Variants in SNRNP200 observed in about 807,000 individuals in gnomAD.
SNRNP200 encodes U5 small nuclear ribonucleoprotein 200 kDa helicase.
In SNRNP200, 66 loss-of-function variants were observed where a neutral mutation model predicts 255.2. That is an observed-to-expected ratio of 0.26 (90% CI 0.21 to 0.32). SNRNP200 has a LOEUF of 0.32. Ranked by LOEUF, SNRNP200 falls within the 10% of genes least tolerant of loss-of-function variation. SNRNP200 has a pLI of 1.00. For synonymous variants in SNRNP200, 939 were observed against 1,027.8 expected, an observed-to-expected ratio of 0.91 and a Z score of 1.65; for missense variants, 1,585 against 2,749.8, an observed-to-expected ratio of 0.58 and a Z score of 9.47.
intron 3 of SNRNP200, among the ~76,000 whole-genome samples, chr2:96,302,669 G>A (rs985552326): frequency 1.3e-5 from 2 of 152,192 alleles, no homozygotes; most frequent in African/African-American, 4.8e-5. Flanking sequence ...CCAGTCACAA[G>A]CACAGGTTGT....
intron 11 of SNRNP200, 64 bp downstream of exon 11, chr2:96,297,299 C>T: frequency 6.2e-7 from 1 of 1,600,770 alleles, no homozygotes. Context: ...ACATTTTGGT[C>T]AATGGTTGAA....
At position 96,304,735 on chromosome 2, in the gene SNRNP200, T is replaced by C. The variant is rs2063976034; in HGVS notation, c.179A>G (p.Lys60Arg). Residue 60 changes from lysine to arginine, a missense_variant, in exon 2 of 45, where the codon AAA becomes AGA. Around this residue, in one of 9 missense-constraint regions of SNRNP200, gnomAD observed 383 missense variants for 645.3 expected, o/e 0.59. Transcript: ENST00000323853. ...TRMGDKAQRT[K>R]PQMQEERRAK... Reference sequence around the variant, plus strand: ...TCTTCTTTCCTCCTGCATCTGCGGTTTGGTCCGTTGAGCCTTGTCTCCCAT... The same window carrying C: ...TCTTCTTTCCTCCTGCATCTGCGGTCTGGTCCGTTGAGCCTTGTCTCCCAT... 6.2e-7 allele frequency: 1 copy of C among 1,614,192 alleles called. No homozygotes were observed. The highest frequency in any genetic ancestry group is 8.5e-7 in the Non-Finnish European group (1 of 1,180,016).
At chr2:96,292,196 T>G (rs750883783) in intron 16 of SNRNP200, among the ~76,000 whole-genome samples, 1 of 152,230 alleles carries the variant, frequency 6.6e-6, no homozygotes, top group African/African-American at 2.4e-5. Flanking sequence ...CAACTCAGAA[T>G]TTATGTTCAA....
At chr2:96,280,571 A>G (rs1050444659) in intron 35 of SNRNP200, among the ~76,000 whole-genome samples, 1 of 150,450 alleles carries the variant, frequency 6.6e-6, no homozygotes, top group Non-Finnish European at 1.5e-5. Flanking sequence ...TTTTTTTGAG[A>G]TGGAGTCTCG....
rs1462728903 is a variant in SNRNP200, at chr2:96,284,603, G to C, written c.4165-18C>G. 2 of 1,567,936 alleles carry C rather than the reference G, an allele frequency of 1.3e-6. No individual in the cohort carries two copies. The highest frequency in any genetic ancestry group is 1.7e-5 in the Admixed American group (1 of 59,946). On this transcript the variant is annotated intron_variant, in intron 30 of 44. Transcript: ENST00000323853. ...ATGTATACCTGGCGGGCAGAGGAGG[G>C]AGGCAGAACAACACTAGGCCATACC...
chr2:96,283,174 A>G lies in SNRNP200; in HGVS notation c.4915+27T>C, dbSNP rs760358679. On this transcript the variant is annotated intron_variant, in intron 34 of 44. Coordinates refer to ENST00000323853, the MANE Select transcript of SNRNP200 (RefSeq NM_014014.5). This position sits in a 1 kb window ranked among gnomAD's most constrained non-coding sequence, Gnocchi z 4.7. The stretch of plus-strand genomic sequence containing the variant: ...ACCACCACTTGGTGATACCCTTGCT[A>G]TGCTCCCCTTCCGTGGCCTGACTTA... 8.1e-6 allele frequency: 13 copies of G among 1,613,218 alleles called. No homozygotes were observed. Among genetic ancestry groups the G allele is most frequent in the Non-Finnish European group, 3.4e-6 (4 of 1,179,978 alleles).
intron 22 of SNRNP200, 41 bp from the exon 23 acceptor site, chr2:96,289,158 C>G: frequency 6.2e-7 from 1 of 1,613,798 alleles, no homozygotes; most frequent in East Asian, 2.2e-5. Flanking sequence ...GCCTTGTGGC[C>G]GAGGAGGGAC....
Position 96,278,019 on chromosome 2 carries a change from CA to C in SNRNP200, c.5611-70del. On this transcript the variant is annotated intron_variant, in intron 39 of 44. Coordinates refer to ENST00000323853, the MANE Select transcript of SNRNP200 (RefSeq NM_014014.5). The surrounding 1 kb of genome is among the most constrained non-coding windows in gnomAD (Gnocchi z 6.9). ...TGCCTGAGACCAGCTCAGGCCAAAG[CA>C]CCACGTGGCCCAGGCTCACACAGCC... The C allele has an allele frequency of 6.2e-7, 1 of 1,605,794 alleles. No individual in the cohort carries two copies. The highest frequency in any genetic ancestry group is 8.5e-7 in the Non-Finnish European group (1 of 1,173,024).
chr2:96,281,759 C>T (rs1398578726), intron 35 of SNRNP200, 55 bp downstream of exon 35: 3 of 1,338,634 alleles, frequency 2.2e-6, no homozygotes, highest in East Asian at 4.6e-5. Flanking sequence ...TCTGCAGATT[C>T]ACATTCATTT....
chr2:96,294,290 T>A (rs572499545), intron 14 of SNRNP200, among the ~76,000 whole-genome samples: 2 of 151,982 alleles, frequency 1.3e-5, no homozygotes, highest in Admixed American at 1.3e-4. Flanking sequence ...TACAAAAAAT[T>A]AGCTGGGCAT....
Position 96,277,632 on chromosome 2 carries a change from G to A in SNRNP200, c.5838C>T (p.Ala1946=). ...ACCACATGGCTTGGGTGACCATCTG[G>A]GCCAGTTCCATAGCTGCCAGAGCAG... The part of the protein sequence containing the change: ...LSPALAAMEL[A]QMVTQAMWSK... The change falls in exon 41 of 45, where the codon GCC becomes GCT. Residue 1946 remains alanine (A), a synonymous_variant. Transcript: ENST00000323853. This position sits in a 1 kb window ranked among gnomAD's most constrained non-coding sequence, Gnocchi z 4.4. The A allele has an allele frequency of 6.2e-7, 1 of 1,614,132 alleles. No individual in the cohort carries two copies. Among genetic ancestry groups the A allele is most frequent in the East Asian group, 2.2e-5 (1 of 44,884 alleles).
intron 16 of SNRNP200, 107 bp from the exon 17 acceptor site, chr2:96,292,007 G>C: frequency 7.8e-7 from 1 of 1,278,792 alleles, no homozygotes; most frequent in South Asian, 1.2e-5. Context: ...CAAGGTCCTG[G>C]AGAGGGGCAA....
chr2:96,288,582 C>G, intron 24 of SNRNP200, 81 bp downstream of exon 24: 1 of 1,311,494 alleles, frequency 7.6e-7, no homozygotes, highest in Non-Finnish European at 1.1e-6. Flanking sequence ...GTCGGGCCTC[C>G]TTTCCCCAGG....
chr2:96,304,988 AT>A lies in SNRNP200; in HGVS notation c.46-121del, dbSNP rs927852368. 3.7e-5 allele frequency: 42 copies of A among 1,121,442 alleles called. No individual in the cohort carries two copies. In the African/African-American group the frequency reaches 6.3e-4, roughly 17 times the overall value. 69.5% of individuals were successfully genotyped at this position (1,121,442 alleles called of 1,614,324 possible). A position where few individuals can be genotyped will look rare whatever the true frequency, so the allele number is the denominator to read the frequency against. Reference sequence around the variant, plus strand: ...TAGTTGCTTATCATCACTAATCGTAATAAAAATATATTTTCCTTAAGAATTG... The same window carrying A: ...TAGTTGCTTATCATCACTAATCGTAAAAAAATATATTTTCCTTAAGAATTG... On this transcript the variant is annotated intron_variant, in intron 1 of 44. Coordinates refer to ENST00000323853, the MANE Select transcript of SNRNP200 (RefSeq NM_014014.5).
At position 96,291,269 on chromosome 2, in the gene SNRNP200, C is replaced by T; in HGVS notation, c.2421+123G>A. 1.3e-6 allele frequency: 1 copy of T among 774,160 alleles called. No individual in the cohort carries two copies. Among genetic ancestry groups the T allele is most frequent in the East Asian group, 2.4e-5 (1 of 41,236 alleles). The allele number at this position is 774,160 out of a possible 1,614,324, so 48.0% of individuals were successfully genotyped here. A position where few individuals can be genotyped will look rare whatever the true frequency, so the allele number is the denominator to read the frequency against. ...TATTTATTGTGTCCACCACAACCCT[C>T]TGACCTGGGCTAGCTGGGCCAGAAG... On this transcript the variant is annotated intron_variant, in intron 18 of 44. Transcript: ENST00000323853. This position sits in a 1 kb window ranked among gnomAD's most constrained non-coding sequence, Gnocchi z 4.2.
At chr2:96,276,719 C>G in intron 43 of SNRNP200, 185 bp downstream of exon 43, 3 of 737,992 alleles carry the variant, frequency 4.1e-6, no homozygotes, top group South Asian at 2.9e-5. Context: ...TGCGCCCGGC[C>G]CTAAACTGTT....
chr2:96,282,778 C>G (rs1258256242), intron 34 of SNRNP200: 3 of 297,010 alleles, frequency 1.0e-5, no homozygotes, highest in Non-Finnish European at 2.0e-5. Flanking sequence ...GCAGATAACA[C>G]CATGTTTCAT....
chr2:96,277,523 G>C lies in SNRNP200; in HGVS notation c.5931+16C>G, dbSNP rs1684688269. 1 of 1,612,194 alleles carries C rather than the reference G, an allele frequency of 6.2e-7. No homozygotes were observed. ...TCAGGCTCACCCACCTGACCCTCTA[G>C]GCTGACCCGGCTCACCTTGTCTGTG... On this transcript the variant is annotated intron_variant, in intron 41 of 44. Coordinates refer to ENST00000323853, the MANE Select transcript of SNRNP200 (RefSeq NM_014014.5). The surrounding 1 kb of genome is among the most constrained non-coding windows in gnomAD (Gnocchi z 4.4).
chr2:96,278,373 A>C lies in SNRNP200; in HGVS notation c.5489-15T>G. On this transcript the variant is annotated splice_polypyrimidine_tract_variant and intron_variant, in intron 38 of 44. Transcript: ENST00000323853. This position sits in a 1 kb window ranked among gnomAD's most constrained non-coding sequence, Gnocchi z 6.9. ...GCTGAAGAGCTCTGACAGAAAAAGG[A>C]AATGTGAGAGAAGCTAAAACCAGGC... The C allele has an allele frequency of 6.2e-7, 1 of 1,614,144 alleles. No homozygotes were observed. The highest frequency in any genetic ancestry group is 8.5e-7 in the Non-Finnish European group (1 of 1,180,030).
Sources: gnomAD v4.1 joint callset for allele counts (sites outside exome capture counted in the v4.1 genomes callset) on GRCh38, gnomAD v4.1.1 for gene constraint, gnomAD v4.1.1 regional missense constraint, Gnocchi (gnomAD v3.1) non-coding constraint, MANE v1.5 for transcripts, NCBI Gene and HGNC (gene_info 2026-07-23, HGNC 2026-07-21) for gene names.